Variants in PPP2R2C observed in about 807,000 individuals in gnomAD.
The protein encoded by PPP2R2C is protein phosphatase 2 regulatory subunit Bgamma.
Under a neutral mutation model 45.3 loss-of-function variants are expected in PPP2R2C, and 10 were observed. The ratio of observed to expected loss-of-function variants is 0.22; its 90% CI spans 0.14 to 0.37. PPP2R2C has a LOEUF of 0.37. Among genes scored for constraint, PPP2R2C ranks in the 10% least tolerant of loss-of-function variants. PPP2R2C has a pLI of 1.00. For missense variants in PPP2R2C, 308 were observed against 619.7 expected (o/e 0.50, Z 5.34); for synonymous variants, 257 against 245.4 (o/e 1.05, Z -0.44).
At chr4:6,344,156 CCTCT>C (rs1021003689) in intron 6 of PPP2R2C, among the ~76,000 whole-genome samples, 4 of 152,378 alleles carry the variant, frequency 2.6e-5, no homozygotes, top group South Asian at 4.1e-4. Flanking sequence ...ACACCATGTC[CCTCT>C]CTCCGCACCT....
At chr4:6,446,649 C>T (rs1304127250) in intron 1 of PPP2R2C, among the ~76,000 whole-genome samples, 2 of 152,064 alleles carry the variant, frequency 1.3e-5, no homozygotes, top group East Asian at 1.9e-4. Flanking sequence ...TGCAGGCCTC[C>T]GAGTTCCCTG....
chr4:6,464,443 G>C (rs1721489243), intron 1 of PPP2R2C, among the ~76,000 whole-genome samples: 1 of 152,140 alleles, frequency 6.6e-6, no homozygotes, highest in South Asian at 2.1e-4. Context: ...ACTGGGAGAG[G>C]AGAGTCCACA....
chr4:6,383,301 C>A, intron 1 of PPP2R2C: 1 of 1,272,874 alleles, frequency 7.9e-7, no homozygotes. Context: ...GCAGGGCAAG[C>A]CCAGCCAAGC....
At chr4:6,459,847 C>T (rs1721236585) in intron 1 of PPP2R2C, among the ~76,000 whole-genome samples, 1 of 152,124 alleles carries the variant, frequency 6.6e-6, no homozygotes, top group African/African-American at 2.4e-5. Flanking sequence ...TATGTTGGAT[C>T]TAGTCGCCAC....
intron 1 of PPP2R2C, among the ~76,000 whole-genome samples, chr4:6,549,206 C>T (rs1382381126): frequency 1.3e-5 from 2 of 152,200 alleles, no homozygotes; most frequent in Non-Finnish European, 2.9e-5. Flanking sequence ...AGTCCATGCC[C>T]CATACAGCAG....
At chr4:6,436,562 T>A (rs1719903949) in intron 1 of PPP2R2C, among the ~76,000 whole-genome samples, 1 of 152,272 alleles carries the variant, frequency 6.6e-6, no homozygotes, top group South Asian at 2.1e-4. Flanking sequence ...TCTACTCTGT[T>A]ACTAGAGTTC....
intron 1 of PPP2R2C, among the ~76,000 whole-genome samples, chr4:6,547,748 C>T (rs748673955): frequency 2.0e-5 from 3 of 152,064 alleles, no homozygotes; most frequent in Non-Finnish European, 4.4e-5. Flanking sequence ...CTGAAACAAC[C>T]GGACATCCAT....
Position 6,328,798 on chromosome 4 carries a change from G to A in PPP2R2C, c.1052+464C>T, listed in dbSNP as rs1002061351. Among the ~76,000 whole-genome samples, 5 of 152,214 alleles carry A rather than the reference G, an allele frequency of 3.3e-5. No homozygotes were observed. In the South Asian group the frequency reaches 6.2e-4, roughly 19 times the overall value. On this transcript the variant is annotated intron_variant, in intron 8 of 8. Coordinates refer to ENST00000382599, the MANE Select transcript of PPP2R2C (RefSeq NM_020416.4). This position sits in a 1 kb window ranked among gnomAD's most constrained non-coding sequence, Gnocchi z 4.4. ...GAGCCTCAGCGGGCCCGAGTGGGGT[G>A]TCACCAGGAAGAGAGGGAGACAGTA...
chr4:6,445,285 G>A (rs1428853660), intron 1 of PPP2R2C, among the ~76,000 whole-genome samples: 1 of 152,046 alleles, frequency 6.6e-6, no homozygotes, highest in African/African-American at 2.4e-5. Context: ...TATTCTAGAC[G>A]CTTATGTTCA....
intron 1 of PPP2R2C, among the ~76,000 whole-genome samples, chr4:6,560,588 G>A (rs996620201): frequency 2.0e-5 from 3 of 152,174 alleles, no homozygotes; most frequent in South Asian, 2.1e-4. Context: ...CACTGGAAGC[G>A]TCCCTGGATC....
chr4:6,522,601 C>T (rs757631987), intron 2 of PPP2R2C, among the ~76,000 whole-genome samples: 20 of 152,264 alleles, frequency 1.3e-4, no homozygotes, highest in Admixed American at 3.9e-4. Context: ...CCACAGGAAC[C>T]ACATTGAGCA....
At chr4:6,381,331 C>T (rs1190572218) in intron 1 of PPP2R2C, 1 of 1,514,958 alleles carries the variant, frequency 6.6e-7, no homozygotes, top group Non-Finnish European at 8.8e-7. Context: ...GGACTTGGCA[C>T]AGGCCTGGGG....
rs544938813 is a variant in PPP2R2C, at chr4:6,425,288, G to A, written c.71-44194C>T. Among the ~76,000 whole-genome samples, 6 of 152,314 alleles carry A rather than the reference G, an allele frequency of 3.9e-5. No homozygotes were observed. The South Asian group carries it at 1.2e-3, about 32-fold the overall frequency. Reference sequence around the variant, plus strand: ...GCAGGCACTCTGACACGTCCAGTGTGAGCATCATTAAGAGCCCAATTGCTA... The same window carrying A: ...GCAGGCACTCTGACACGTCCAGTGTAAGCATCATTAAGAGCCCAATTGCTA... On this transcript the variant is annotated intron_variant, in intron 1 of 8. Transcript: ENST00000382599.
intron 6 of PPP2R2C, among the ~76,000 whole-genome samples, chr4:6,346,052 C>T (rs1404113613): frequency 6.6e-6 from 1 of 152,142 alleles, no homozygotes; most frequent in Non-Finnish European, 1.5e-5. Context: ...ACCACAGAGT[C>T]ACGCCCCACA....
At chr4:6,455,998 G>A (rs1240625707) in intron 1 of PPP2R2C, among the ~76,000 whole-genome samples, 1 of 152,012 alleles carries the variant, frequency 6.6e-6, no homozygotes, top group African/African-American at 2.4e-5. Context: ...TGGGGGGGGG[G>A]AGCTGCGCCC....
At chr4:6,369,569 T>A (rs893543226) in intron 5 of PPP2R2C, among the ~76,000 whole-genome samples, 25 of 152,218 alleles carry the variant, frequency 1.6e-4, no homozygotes, top group African/African-American at 5.8e-4. Flanking sequence ...GTTTTGTGAA[T>A]GACTGGCATT....
intron 1 of PPP2R2C, among the ~76,000 whole-genome samples, chr4:6,561,239 G>A (rs547729036): frequency 1.3e-5 from 2 of 152,330 alleles, no homozygotes; most frequent in Admixed American, 1.3e-4. Flanking sequence ...CCTGTCCCTG[G>A]CCAGAAGACA....
chr4:6,417,735 C>T (rs1314708298), intron 1 of PPP2R2C, among the ~76,000 whole-genome samples: 2 of 152,210 alleles, frequency 1.3e-5, no homozygotes, highest in African/African-American at 4.8e-5. Context: ...TCTCAGAACC[C>T]GCACTGAGCC....
chr4:6,394,238 C>T (rs978816509), intron 1 of PPP2R2C, among the ~76,000 whole-genome samples: 1 of 152,214 alleles, frequency 6.6e-6, no homozygotes, highest in Non-Finnish European at 1.5e-5. Flanking sequence ...GTGGGGCTGC[C>T]TGATTCTCAG....
Sources: allele counts gnomAD v4.1 joint callset (sites outside exome capture counted in the v4.1 genomes callset), GRCh38; gene constraint gnomAD v4.1.1; non-coding constraint Gnocchi (gnomAD v3.1); transcripts MANE v1.5; gene names NCBI Gene and HGNC (gene_info 2026-07-23, HGNC 2026-07-21).